DISC1: variants seen among roughly 807,000 people sequenced by gnomAD.
DISC1 encodes the protein DISC1 scaffold protein.
Under a neutral mutation model 84.5 loss-of-function variants are expected in DISC1, and 57 were observed. That is an observed-to-expected ratio of 0.67 (90% CI 0.55 to 0.84). The LOEUF (loss-of-function observed/expected upper bound fraction) is 0.84, where lower values mean the gene tolerates loss of function less well. Among genes scored for constraint, DISC1 ranks in the 40% least tolerant of loss-of-function variants. The probability of loss-of-function intolerance (pLI) is 0.00; values close to 1 mark genes in which losing one functional copy is unlikely to be tolerated. For missense variants in DISC1, 1,000 were observed against 1,057.8 expected, an observed-to-expected ratio of 0.95 and a Z score of 0.76; for synonymous variants, 411 against 415.2, an observed-to-expected ratio of 0.99 and a Z score of 0.12.
Position 231,728,631 on chromosome 1 carries a change from T to C in DISC1, c.1118-21295T>C, listed in dbSNP as rs181040827. 4.6e-5 allele frequency among the ~76,000 whole-genome samples: 7 copies of C among 152,344 alleles called. No homozygotes were observed. In the East Asian group the frequency reaches 1.3e-3, roughly 29 times the overall value. ...TGACATATGAAACCACATGGTGAACTTAGTTTGTTCTACCAAGGACCTGAG... is the reference window on the plus strand; with the variant it reads ...TGACATATGAAACCACATGGTGAACCTAGTTTGTTCTACCAAGGACCTGAG... On this transcript the variant is annotated intron_variant, in intron 3 of 12. Coordinates refer to ENST00000439617, the MANE Select transcript of DISC1 (RefSeq NM_018662.3).
At chr1:231,814,580 T>A (rs2080704450) in intron 8 of DISC1, among the ~76,000 whole-genome samples, 2 of 152,092 alleles carry the variant, frequency 1.3e-5, no homozygotes. Flanking sequence ...GTTGTCGAGG[T>A]TTGTGTTTCC....
chr1:231,669,137 C>T (rs780676495), intron 1 of DISC1, among the ~76,000 whole-genome samples: 5 of 152,090 alleles, frequency 3.3e-5, no homozygotes, highest in Non-Finnish European at 7.3e-5. Context: ...AGTCAGGGAG[C>T]AAAGGAGAGT....
chr1:231,727,658 A>G (rs1327091955), intron 3 of DISC1, among the ~76,000 whole-genome samples: 1 of 152,194 alleles, frequency 6.6e-6, no homozygotes, highest in Non-Finnish European at 1.5e-5. Context: ...TTACTTTTGT[A>G]ACAACTCTTC....
intron 3 of DISC1, among the ~76,000 whole-genome samples, chr1:231,746,801 A>G (rs1354798859): frequency 1.3e-5 from 2 of 152,104 alleles, no homozygotes; most frequent in East Asian, 3.9e-4. Flanking sequence ...TTTTTAAATT[A>G]GATTGTATTT....
At chr1:231,720,153 T>G (rs2069446630) in intron 3 of DISC1, among the ~76,000 whole-genome samples, 1 of 152,092 alleles carries the variant, frequency 6.6e-6, no homozygotes, top group Non-Finnish European at 1.5e-5. Context: ...GCCAGAACAT[T>G]TAGTGTAATT....
rs569441653 is a variant in DISC1 at position 231,712,304 on chromosome 1, A to C, written c.1117+10280A>C. On this transcript the variant is annotated intron_variant, in intron 3 of 12. Coordinates refer to ENST00000439617, the MANE Select transcript of DISC1 (RefSeq NM_018662.3). The stretch of plus-strand genomic sequence containing the variant: ...GCCTGTAAGTTTGTGGTAATTAGTT[A>C]TAGCAGCCACATCCAATTTATATAC... 1.0e-4 allele frequency among the ~76,000 whole-genome samples: 16 copies of C among 152,386 alleles called. No individual in the cohort carries two copies. In the South Asian group the frequency reaches 2.3e-3, roughly 22 times the overall value.
intron 5 of DISC1, among the ~76,000 whole-genome samples, chr1:231,767,518 A>T (rs1335584879): frequency 6.6e-6 from 1 of 152,096 alleles, no homozygotes; most frequent in Non-Finnish European, 1.5e-5. Context: ...GCTGCTCTTG[A>T]ACTCCTGGGC....
intron 10 of DISC1, among the ~76,000 whole-genome samples, chr1:231,981,662 G>A (rs899787011): frequency 1.3e-5 from 2 of 152,244 alleles, no homozygotes; most frequent in African/African-American, 2.4e-5. Flanking sequence ...GAGCTGACCA[G>A]TGAGCCTGTG....
intron 3 of DISC1, among the ~76,000 whole-genome samples, chr1:231,746,559 T>C (rs140034782): frequency 0.014 from 2,083 of 152,316 alleles, 43 homozygotes; most frequent in African/African-American, 0.046. Flanking sequence ...TGGTTTACAT[T>C]CCCACCAACA....
At chr1:231,758,028 C>T (rs1303290167) in intron 4 of DISC1, among the ~76,000 whole-genome samples, 2 of 151,914 alleles carry the variant, frequency 1.3e-5, no homozygotes, top group Non-Finnish European at 1.5e-5. Context: ...CCCCAGCCTA[C>T]CCAGCCTCTT....
At chr1:231,660,707 A>C (rs1328469535) in intron 1 of DISC1, among the ~76,000 whole-genome samples, 1 of 152,168 alleles carries the variant, frequency 6.6e-6, no homozygotes, top group Non-Finnish European at 1.5e-5. Context: ...TGCCTGCCTC[A>C]GGCTTCCAAA....
At chr1:231,850,095 G>A (rs1398830261) in intron 9 of DISC1, among the ~76,000 whole-genome samples, 1 of 152,190 alleles carries the variant, frequency 6.6e-6, no homozygotes, top group Admixed American at 6.5e-5. Context: ...AAGAGTAAAT[G>A]CCTGTGGGAG....
At chr1:231,672,253 T>G (rs76247987) in intron 1 of DISC1, among the ~76,000 whole-genome samples, 1,591 of 152,304 alleles carry the variant, frequency 0.01, 11 homozygotes, top group Non-Finnish European at 0.013. Context: ...TGTCTGTCAG[T>G]TCTTTTAGTA....
At position 231,735,193 on chromosome 1, in the gene DISC1, A is replaced by G. The variant is rs183207218; in HGVS notation, c.1118-14733A>G. Among the ~76,000 whole-genome samples the G allele has an allele frequency of 4.6e-5, 7 of 152,326 alleles. No individual in the cohort carries two copies. In the East Asian group the frequency reaches 1.3e-3, roughly 29 times the overall value. Reference sequence around the variant, plus strand: ...ACTTTTTAAAAAACATACTTTTAATAAAAAGTACAGATAATATTTACATAT... The same window carrying G: ...ACTTTTTAAAAAACATACTTTTAATGAAAAGTACAGATAATATTTACATAT... On this transcript the variant is annotated intron_variant, in intron 3 of 12. Coordinates refer to ENST00000439617, the MANE Select transcript of DISC1 (RefSeq NM_018662.3).
chr1:231,925,222 C>A (rs930634284), intron 9 of DISC1, among the ~76,000 whole-genome samples: 1 of 152,176 alleles, frequency 6.6e-6, no homozygotes, highest in Non-Finnish European at 1.5e-5. Context: ...AAGGCTTGCT[C>A]ACTGCTTGCA....
rs925124481 is a variant in DISC1 at position 231,833,234 on chromosome 1, T to C, written c.1981+14717T>C. ...TTAAAAAGGAGTGCTTAAAAGAGTA[T>C]TGTCAAAGTTGGCACCAGAGTTGGG... On this transcript the variant is annotated intron_variant, in intron 9 of 12. Coordinates refer to ENST00000439617, the MANE Select transcript of DISC1 (RefSeq NM_018662.3). 8.0e-5 allele frequency among the ~76,000 whole-genome samples: 12 copies of C among 150,916 alleles called. 1 individual carries two copies. The highest frequency in any genetic ancestry group is 3.0e-4 in the African/African-American group (12 of 40,382).
At chr1:231,737,729 CACAAGTATGCT>C (rs1163157897) in intron 3 of DISC1, among the ~76,000 whole-genome samples, 1 of 152,214 alleles carries the variant, frequency 6.6e-6, no homozygotes, top group Non-Finnish European at 1.5e-5. Flanking sequence ...ACTTAAAAGT[CACAAGTATGCT>C]ACAAAGAGCT....
At chr1:232,035,479 A>G (rs1177618325) in intron 12 of DISC1, among the ~76,000 whole-genome samples, 2 of 152,192 alleles carry the variant, frequency 1.3e-5, no homozygotes, top group African/African-American at 4.8e-5. Flanking sequence ...AGCTTTCCAC[A>G]GTGGTTCGTA....
intron 9 of DISC1, among the ~76,000 whole-genome samples, chr1:231,837,047 AGAC>A: frequency 6.6e-6 from 1 of 152,332 alleles, no homozygotes; most frequent in East Asian, 1.9e-4. Context: ...AGAAGACTGA[AGAC>A]TATAAATAAA....
Sources: gnomAD v4.1 joint callset for allele counts (sites outside exome capture counted in the v4.1 genomes callset) on GRCh38, gnomAD v4.1.1 for gene constraint, MANE v1.5 for transcripts, NCBI Gene and HGNC (gene_info 2026-07-23, HGNC 2026-07-21) for gene names.